The following SPINK5 variants were observed in gnomAD, a reference collection of about 807,000 sequenced individuals.
The protein encoded by SPINK5 is serine peptidase inhibitor Kazal type 5.
Under a neutral mutation model 151.8 loss-of-function variants are expected in SPINK5, and 125 were observed. The observed-to-expected ratio is 0.82, with a 90% CI of 0.71 to 0.96. The LOEUF (loss-of-function observed/expected upper bound fraction) is 0.96, where lower values mean the gene tolerates loss of function less well. Ranked by LOEUF, SPINK5 falls within the 40% of genes least tolerant of loss-of-function variation. The pLI, the probability that SPINK5 is intolerant of heterozygous loss-of-function variation, is 0.00. For synonymous variants in SPINK5, 374 were observed against 395.3 expected, an observed-to-expected ratio of 0.95 and a Z score of 0.64; for missense variants, 1,194 against 1,291.9, an observed-to-expected ratio of 0.92 and a Z score of 1.16.
chr5:148,103,328 G>T (rs115915040), intron 15 of SPINK5, among the ~76,000 whole-genome samples: 2 of 151,914 alleles, frequency 1.3e-5, no homozygotes, highest in African/African-American at 4.8e-5. Context: ...TGAGAATGAC[G>T]GAAAAGTCAG....
At chr5:148,076,273 T>C (rs955685889) in intron 4 of SPINK5, among the ~76,000 whole-genome samples, 10 of 151,574 alleles carry the variant, frequency 6.6e-5, no homozygotes, top group Non-Finnish European at 1.5e-4. Flanking sequence ...GGGAAAAACA[T>C]AGGAAGCCAG....
chr5:148,079,152 C>G lies in SPINK5; in HGVS notation c.282+6932C>G, dbSNP rs532636018. Among the ~76,000 whole-genome samples the G allele has an allele frequency of 3.1e-4, 47 of 150,828 alleles. 1 individual carries two copies. The highest frequency in any genetic ancestry group is 1.1e-3 in the African/African-American group (47 of 41,324). On this transcript the variant is annotated intron_variant, in intron 4 of 32. Transcript: ENST00000256084. Reference sequence around the variant, plus strand: ...GATGAATATTATGAAAAATATTATGCCACCACATTAAATAACTTAGATGAA... The same window carrying G: ...GATGAATATTATGAAAAATATTATGGCACCACATTAAATAACTTAGATGAA...
At chr5:148,087,825 G>T (rs959336745) in intron 5 of SPINK5, among the ~76,000 whole-genome samples, 3 of 151,830 alleles carry the variant, frequency 2.0e-5, no homozygotes, top group Non-Finnish European at 2.9e-5. Context: ...AGCTCTAGCT[G>T]CTAGGAGGCT....
At chr5:148,087,541 A>C (rs1000317979) in intron 5 of SPINK5, among the ~76,000 whole-genome samples, 1 of 151,786 alleles carries the variant, frequency 6.6e-6, no homozygotes, top group Non-Finnish European at 1.5e-5. Flanking sequence ...TATGTCCTCA[A>C]CTCTCACCAA....
Position 148,118,996 on chromosome 5 carries a change from G to A in SPINK5, c.2251G>A (p.Ala751Thr), listed in dbSNP as rs1754177963. 4.3e-6 allele frequency: 7 copies of A among 1,613,698 alleles called. No individual in the cohort carries two copies. The highest frequency in any genetic ancestry group is 1.3e-5 in the African/African-American group (1 of 74,898). ...TTTTTTCTCCTCCAGGGAAAGAGAA[G>A]CAGAGAGAAAAAATGAGTATTCTCG... ...TMCKAKLERE[A>T]ERKNEYSRSR... The change falls in exon 24 of 33, where the codon GCA (alanine) becomes ACA (threonine). Residue 751 changes from alanine (A) to threonine (T), a missense_variant. Coordinates refer to ENST00000256084, the MANE Select transcript of SPINK5 (RefSeq NM_006846.4).
chr5:148,104,886 A>C (rs1434967633), intron 15 of SPINK5, 66 bp from the exon 16 acceptor site: 17 of 1,472,974 alleles, frequency 1.2e-5, no homozygotes, highest in African/African-American at 2.9e-5. Flanking sequence ...ACAGAGAGAG[A>C]CTCCGTCTCA....
intron 13 of SPINK5, among the ~76,000 whole-genome samples, chr5:148,100,825 G>A (rs555227563): frequency 6.6e-6 from 1 of 152,304 alleles, no homozygotes; most frequent in South Asian, 2.1e-4. Flanking sequence ...TCTTTTAAGT[G>A]TGGAAACAGG....
At chr5:148,124,949 A>G in intron 28 of SPINK5, 112 bp downstream of exon 28, 1 of 1,287,912 alleles carries the variant, frequency 7.8e-7, no homozygotes, top group Non-Finnish European at 9.9e-7. Context: ...CTTCAAAGAA[A>G]ATTGATTTTT....
chr5:148,089,287 T>A (rs762062734), intron 6 of SPINK5: 1 of 665,998 alleles, frequency 1.5e-6, no homozygotes, highest in Admixed American at 2.1e-5. Flanking sequence ...GTTATCTGTT[T>A]ACTAAATAAA....
At position 148,111,773 on chromosome 5, in the gene SPINK5, G is replaced by A; in HGVS notation, c.1698G>A (p.Leu566=). The A allele has an allele frequency of 6.2e-7, 1 of 1,614,030 alleles. No homozygotes were observed. Among genetic ancestry groups the A allele is most frequent in the Non-Finnish European group, 8.5e-7 (1 of 1,179,910 alleles). The stretch of plus-strand genomic sequence containing the variant: ...GCTTCTGCTTCATTTGGCAGGAGCT[G>A]TGCAGTGAATATCGTCATTATGTGA... The part of the protein sequence containing the change: ...EKVKREAVQE[L]CSEYRHYVRN... Residue 566 remains leucine, a synonymous_variant, in exon 19 of 33, where the codon CTG becomes CTA. Transcript: ENST00000256084.
intron 14 of SPINK5, 81 bp from the exon 15 acceptor site, chr5:148,101,700 A>C (rs1202798667): frequency 1.9e-6 from 3 of 1,604,376 alleles, no homozygotes; most frequent in Non-Finnish European, 2.6e-6. Context: ...CGTTTAAGAA[A>C]AAAAGTACAA....
At chr5:148,113,466 G>A (rs1753999867) in intron 20 of SPINK5, among the ~76,000 whole-genome samples, 1 of 152,060 alleles carries the variant, frequency 6.6e-6, no homozygotes, top group Non-Finnish European at 1.5e-5. Context: ...ATTTGTTTTT[G>A]GATTACCACA....
chr5:148,071,561 GA>G (rs1211256297), intron 3 of SPINK5, among the ~76,000 whole-genome samples: 2 of 151,984 alleles, frequency 1.3e-5, no homozygotes, highest in Non-Finnish European at 2.9e-5. Context: ...TAAATTTACT[GA>G]AAAATAATGT....
At chr5:148,076,583 C>T (rs907932500) in intron 4 of SPINK5, among the ~76,000 whole-genome samples, 1 of 151,598 alleles carries the variant, frequency 6.6e-6, no homozygotes, top group African/African-American at 2.4e-5. Context: ...ACAACCCATA[C>T]TCAAGAAAAA....
intron 26 of SPINK5, among the ~76,000 whole-genome samples, chr5:148,121,965 C>T (rs552946223): frequency 8.0e-4 from 120 of 149,354 alleles, no homozygotes; most frequent in African/African-American, 3.0e-3. Flanking sequence ...AAGAACTTGT[C>T]TTAAAAAAAA....
Position 148,127,074 on chromosome 5 carries a change from T to C in SPINK5, c.2959T>C (p.Ser987Pro). The change falls in exon 30 of 33, where the codon TCT becomes CCT. Residue 987 changes from serine to proline, a missense_variant. Transcript: ENST00000256084. ...QEEDSPDSFS[S>P]LDSEMCKDYR... The stretch of plus-strand genomic sequence containing the variant: ...GGAAGACAGCCCAGACTCTTTCAGT[T>C]CTCTGGTAAGGAGGACTATTTCTGA... The C allele has an allele frequency of 6.2e-7, 1 of 1,611,426 alleles. No homozygotes were observed. Among genetic ancestry groups the C allele is most frequent in the South Asian group, 1.1e-5 (1 of 90,760 alleles).
In SPINK5 at chr5:148,070,461, G is replaced by A; in HGVS notation, c.209+11G>A. 3 of 1,611,688 alleles carry A rather than the reference G, an allele frequency of 1.9e-6. No homozygotes were observed. The highest frequency in any genetic ancestry group is 2.5e-6 in the Non-Finnish European group (3 of 1,178,494). ...GTGCAAAATGATACTGTGAGTAAAG[G>A]TTTCTTTCTTTCTTTCCAATGTTTG... On this transcript the variant is annotated intron_variant, in intron 3 of 32. Coordinates refer to ENST00000256084, the MANE Select transcript of SPINK5 (RefSeq NM_006846.4).
intron 4 of SPINK5, among the ~76,000 whole-genome samples, chr5:148,076,512 G>C (rs1405608065): frequency 1.3e-5 from 2 of 151,662 alleles, no homozygotes; most frequent in African/African-American, 2.4e-5. Context: ...CCACGTTAGT[G>C]AGGTTAAAAA....
Position 148,131,408 on chromosome 5 carries a change from C to G in SPINK5, c.3095+19C>G. The G allele has an allele frequency of 6.2e-7, 1 of 1,613,472 alleles. No individual in the cohort carries two copies. ...AAAACCTGTAAGTATTCAAGTTGCC[C>G]CATCATATCTTCCAGTTTAGAATTT... On this transcript the variant is annotated intron_variant, in intron 31 of 32. Transcript: ENST00000256084.
Sources: allele counts gnomAD v4.1 joint callset (sites outside exome capture counted in the v4.1 genomes callset), GRCh38; gene constraint gnomAD v4.1.1; transcripts MANE v1.5; gene names NCBI Gene and HGNC (gene_info 2026-07-23, HGNC 2026-07-21).